Variants in SORCS2 observed in about 807,000 individuals in gnomAD.
The protein encoded by SORCS2 is VPS10 domain-containing receptor SorCS2.
In SORCS2, 100 loss-of-function variants were observed where a neutral mutation model predicts 141.6. The ratio of observed to expected loss-of-function variants is 0.71; its 90% CI spans 0.60 to 0.83. The LOEUF (loss-of-function observed/expected upper bound fraction) is 0.83. SORCS2 is among the 40% of genes least tolerant of loss of function. SORCS2 has a pLI of 0.00. For synonymous variants in SORCS2, 789 were observed against 676.9 expected, an observed-to-expected ratio of 1.17 and a Z score of -2.57; for missense variants, 1,646 against 1,560.2, an observed-to-expected ratio of 1.05 and a Z score of -0.93.
At chr4:7,261,529 G>C (rs1329814622) in intron 1 of SORCS2, among the ~76,000 whole-genome samples, 6 of 152,186 alleles carry the variant, frequency 3.9e-5, no homozygotes, top group Non-Finnish European at 7.3e-5. Flanking sequence ...CCAGATTTAT[G>C]AAACATATGG....
At chr4:7,595,939 G>A (rs1717249965) in intron 3 of SORCS2, among the ~76,000 whole-genome samples, 1 of 152,162 alleles carries the variant, frequency 6.6e-6, no homozygotes, top group Non-Finnish European at 1.5e-5. Context: ...GGCCCCATGG[G>A]GAATGGGAAC....
At chr4:7,660,377 A>G (rs1722075568) in intron 5 of SORCS2, among the ~76,000 whole-genome samples, 1 of 152,168 alleles carries the variant, frequency 6.6e-6, no homozygotes. Context: ...TCTGTCCCCA[A>G]GGCCCGCAGC....
chr4:7,279,226 A>G (rs548748957), intron 1 of SORCS2, among the ~76,000 whole-genome samples: 1 of 152,344 alleles, frequency 6.6e-6, no homozygotes, highest in South Asian at 2.1e-4. Context: ...CAAAGATGTA[A>G]AAACAGTGTA....
At chr4:7,253,500 C>T (rs1458069788) in intron 1 of SORCS2, among the ~76,000 whole-genome samples, 4 of 152,338 alleles carry the variant, frequency 2.6e-5, no homozygotes, top group Admixed American at 6.5e-5. Context: ...CAGGGGTGCA[C>T]GAGGACCCCT....
chr4:7,215,953 C>G (rs4689643), intron 1 of SORCS2, among the ~76,000 whole-genome samples: 51,032 of 145,436 alleles, frequency 0.35, 9,103 homozygotes, highest in East Asian at 0.55. Flanking sequence ...GCTGCCGGAG[C>G]CAGCAGTGGC....
At chr4:7,254,438 T>A (rs574729355) in intron 1 of SORCS2, among the ~76,000 whole-genome samples, 7 of 152,298 alleles carry the variant, frequency 4.6e-5, no homozygotes, top group African/African-American at 1.7e-4. Context: ...AGATATAGCA[T>A]GATCTCACTC....
intron 14 of SORCS2, among the ~76,000 whole-genome samples, chr4:7,710,509 T>C (rs759690303): frequency 1.3e-5 from 2 of 152,156 alleles, no homozygotes; most frequent in Non-Finnish European, 2.9e-5. Flanking sequence ...CCCTAAAAAA[T>C]CATTTCTTAA....
At chr4:7,471,667 C>T (rs1729986423) in intron 2 of SORCS2, among the ~76,000 whole-genome samples, 1 of 152,222 alleles carries the variant, frequency 6.6e-6, no homozygotes. Context: ...ACCCAGAGCC[C>T]AGGTTCCGAG....
rs1727455906 is a variant in SORCS2, at chr4:7,729,514, T to C, written c.2983-73T>C. 3 of 1,517,298 alleles carry C rather than the reference T, an allele frequency of 2.0e-6. No individual in the cohort carries two copies. The African/African-American group carries it at 4.1e-5, about 21-fold the overall frequency. The allele number at this position is 1,517,298 out of a possible 1,614,324, so 94.0% of individuals were successfully genotyped here. A position where few individuals can be genotyped will look rare whatever the true frequency, so the allele number is the denominator to read the frequency against. ...ACAGGCCAAGAAGGGAGAGAGGGTG[T>C]TCCTGGGGGCCCCAGTATGAGGCAG... On this transcript the variant is annotated intron_variant, in intron 22 of 26. Coordinates refer to ENST00000507866, the MANE Select transcript of SORCS2 (RefSeq NM_020777.3).
intron 4 of SORCS2, among the ~76,000 whole-genome samples, chr4:7,639,772 CGTGT>C (rs746132885): frequency 7.2e-6 from 1 of 138,750 alleles, no homozygotes; most frequent in Non-Finnish European, 1.6e-5. Flanking sequence ...TGGGTGTGAA[CGTGT>C]GTGTGTGTGG....
chr4:7,738,377 T>A (rs1394324514), intron 26 of SORCS2, among the ~76,000 whole-genome samples: 1 of 152,150 alleles, frequency 6.6e-6, no homozygotes, highest in East Asian at 1.9e-4. Flanking sequence ...GCTGAGGACA[T>A]GGAAGTGCAA....
At chr4:7,639,732 GGT>G (rs961762274) in intron 4 of SORCS2, among the ~76,000 whole-genome samples, 1 of 149,902 alleles carries the variant, frequency 6.7e-6, no homozygotes, top group Non-Finnish European at 1.5e-5. Context: ...AGTGGGTGTG[GGT>G]GTGAGACTGT....
At chr4:7,644,110 G>A (rs558448639) in intron 4 of SORCS2, among the ~76,000 whole-genome samples, 1 of 152,290 alleles carries the variant, frequency 6.6e-6, no homozygotes, top group South Asian at 2.1e-4. Flanking sequence ...GGAGATAAGG[G>A]AGAGGGTTTT....
chr4:7,509,170 G>A (rs1428807504), intron 2 of SORCS2, among the ~76,000 whole-genome samples: 4 of 152,186 alleles, frequency 2.6e-5, no homozygotes, highest in African/African-American at 9.7e-5. Context: ...GGGCGGTGAG[G>A]CAGCCCACAT....
intron 1 of SORCS2, among the ~76,000 whole-genome samples, chr4:7,394,429 A>G (rs950947433): frequency 8.9e-6 from 1 of 112,034 alleles, no homozygotes; most frequent in African/African-American, 3.4e-5. Flanking sequence ...TGGAGGGGGC[A>G]TTGAGCCCAG....
chr4:7,729,790 G>A (rs1165433094), intron 23 of SORCS2, 78 bp downstream of exon 23: 17 of 1,536,538 alleles, frequency 1.1e-5, no homozygotes, highest in South Asian at 3.6e-5. Flanking sequence ...AAGCAGGGAC[G>A]TCTCAGTGGC....
chr4:7,200,028 G>C (rs898071842), intron 1 of SORCS2, among the ~76,000 whole-genome samples: 1 of 151,430 alleles, frequency 6.6e-6, no homozygotes, highest in Admixed American at 6.6e-5. Flanking sequence ...AGAGGTGGGG[G>C]AGGCTGGATT....
At chr4:7,650,239 T>C (rs1721345947) in intron 4 of SORCS2, among the ~76,000 whole-genome samples, 1 of 152,188 alleles carries the variant, frequency 6.6e-6, no homozygotes, top group African/African-American at 2.4e-5. Context: ...CACGAGGTAT[T>C]GTTAGAAGCA....
At chr4:7,610,191 A>G (rs966452547) in intron 3 of SORCS2, among the ~76,000 whole-genome samples, 3 of 152,160 alleles carry the variant, frequency 2.0e-5, no homozygotes, top group Non-Finnish European at 2.9e-5. Flanking sequence ...CGAAGATGCA[A>G]TTAGCCGCGG....
Sources: gnomAD v4.1 joint callset for allele counts (sites outside exome capture counted in the v4.1 genomes callset) on GRCh38, gnomAD v4.1.1 for gene constraint, MANE v1.5 for transcripts, NCBI Gene and HGNC (gene_info 2026-07-23, HGNC 2026-07-21) for gene names.